GADL1: variants seen among roughly 807,000 people sequenced by gnomAD.
The protein encoded by GADL1 is acidic amino acid decarboxylase GADL1.
A neutral mutation model predicts 69.5 loss-of-function variants in GADL1; 71 were observed. The ratio of observed to expected loss-of-function variants is 1.02; its 90% CI spans 0.84 to 1.25. The LOEUF (loss-of-function observed/expected upper bound fraction) is 1.25. Among genes scored for constraint, GADL1 ranks in the 50% most tolerant of loss-of-function variants. The pLI is 0.00. For synonymous variants in GADL1, 254 were observed against 214.4 expected (o/e 1.18, Z -1.62); for missense variants, 737 against 631.8 (o/e 1.17, Z -1.79).
chr3:30,830,528 C>T (rs1230919147), intron 11 of GADL1, among the ~76,000 whole-genome samples: 1 of 151,928 alleles, frequency 6.6e-6, no homozygotes, highest in Non-Finnish European at 1.5e-5. Context: ...CCCACCATCT[C>T]CCTGGCCATT....
rs1450633047 is a variant in GADL1, at chr3:30,762,840, T to TTA, written c.1392+15337_1392+15338dup. Among the ~76,000 whole-genome samples, 3 of 119,984 alleles carry TTA rather than the reference T, an allele frequency of 2.5e-5. No homozygotes were observed. The Admixed American group carries it at 2.5e-4, about 10-fold the overall frequency. 78.7% of individuals were successfully genotyped at this position (119,984 alleles called of 152,430 possible). The stretch of plus-strand genomic sequence containing the variant: ...CACAGATAACTGAAAACATGTGATG[T>TTA]TAGTCTTTCTTTTCCTTGCTTTATT... On this transcript the variant is annotated intron_variant, in intron 14 of 14. Transcript: ENST00000282538.
chr3:30,765,162 A>G lies in GADL1; in HGVS notation c.1392+13017T>C, dbSNP rs537819614. On this transcript the variant is annotated intron_variant, in intron 14 of 14. Coordinates refer to ENST00000282538, the MANE Select transcript of GADL1 (RefSeq NM_207359.3). The stretch of plus-strand genomic sequence containing the variant: ...AAAGGCAACATTAGAAGAGCCATCA[A>G]AATGTTCATCTCCCCTAACATGTCT... Among the ~76,000 whole-genome samples the G allele has an allele frequency of 3.3e-5, 5 of 152,290 alleles. No homozygotes were observed. In the South Asian group the frequency reaches 1.0e-3, roughly 32 times the overall value.
chr3:30,763,234 C>G (rs554617385), intron 14 of GADL1, among the ~76,000 whole-genome samples: 1 of 152,134 alleles, frequency 6.6e-6, no homozygotes, highest in Non-Finnish European at 1.5e-5. Flanking sequence ...AACAGTGGCT[C>G]ACGCCTGTAA....
Position 30,773,259 on chromosome 3 carries a change from C to T in GADL1, c.1392+4920G>A, listed in dbSNP as rs184791484. The stretch of plus-strand genomic sequence containing the variant: ...GTAGATAATTTTTAAATGGTAAAAA[C>T]GTACCATATTGGGATTAATGCTTAT... On this transcript the variant is annotated intron_variant, in intron 14 of 14. Coordinates refer to ENST00000282538, the MANE Select transcript of GADL1 (RefSeq NM_207359.3). 1.6e-3 allele frequency among the ~76,000 whole-genome samples: 247 copies of T among 152,168 alleles called. No homozygotes were observed. The South Asian group carries it at 0.019, about 12-fold the overall frequency.
intron 14 of GADL1, among the ~76,000 whole-genome samples, chr3:30,758,637 A>ATT (rs1330640489): frequency 6.6e-6 from 1 of 152,242 alleles, no homozygotes; most frequent in Admixed American, 6.5e-5. Flanking sequence ...TTCTACGAAT[A>ATT]TATCAACTTG....
Position 30,788,247 on chromosome 3 carries a change from G to GC in GADL1, c.1251-1842dup, listed in dbSNP as rs563766224. ...AGAAGTGCAAATTAAAACAATATAGGCATCCCTCGGGGGTATTGTAGGTTT... is the reference window on the plus strand; with the variant it reads ...AGAAGTGCAAATTAAAACAATATAGGCCATCCCTCGGGGGTATTGTAGGTTT... On this transcript the variant is annotated intron_variant, in intron 12 of 14. Transcript: ENST00000282538. Among the ~76,000 whole-genome samples, 285 of 152,200 alleles carry GC rather than the reference G, an allele frequency of 1.9e-3. No homozygotes were observed. In the South Asian group the frequency reaches 0.02, roughly 11 times the overall value.
intron 13 of GADL1, among the ~76,000 whole-genome samples, chr3:30,781,595 G>A (rs1696666475): frequency 6.6e-6 from 1 of 152,156 alleles, no homozygotes; most frequent in African/African-American, 2.4e-5. Flanking sequence ...AAATTTCAAA[G>A]GCAGCACTGG....
intron 11 of GADL1, among the ~76,000 whole-genome samples, chr3:30,832,465 A>G (rs1233970799): frequency 1.3e-5 from 2 of 152,046 alleles, no homozygotes; most frequent in African/African-American, 2.4e-5. Flanking sequence ...AAAGTATATG[A>G]AAGCTAGAAA....
chr3:30,850,047 C>T lies in GADL1; in HGVS notation c.600G>A (p.Lys200=), dbSNP rs780942268. Residue 200 remains lysine, a synonymous_variant, in exon 6 of 15, where the codon AAG becomes AAA. Coordinates refer to ENST00000282538, the MANE Select transcript of GADL1 (RefSeq NM_207359.3). The part of the protein sequence containing the change: ...LARYKYCPDI[K]EKGLSGSPRL... ...TTGGCGAACCAGACAGCCCCTTTTC[C>T]TTAATATCAGGACAATATTTGTATC... 3.7e-6 allele frequency: 6 copies of T among 1,612,052 alleles called. No homozygotes were observed. The East Asian group carries it at 1.3e-4, about 36-fold the overall frequency.
intron 11 of GADL1, among the ~76,000 whole-genome samples, chr3:30,826,270 T>C (rs1356717627): frequency 6.6e-6 from 1 of 151,936 alleles, no homozygotes; most frequent in African/African-American, 2.4e-5. Context: ...AAATTAAAGA[T>C]GACAAAAGGA....
intron 14 of GADL1, among the ~76,000 whole-genome samples, chr3:30,775,738 C>T (rs1234414822): frequency 2.0e-5 from 3 of 152,078 alleles, no homozygotes; most frequent in Non-Finnish European, 4.4e-5. Flanking sequence ...TATGATCATC[C>T]ATTTTGGCAA....
At chr3:30,816,595 G>C (rs1419083347) in intron 11 of GADL1, among the ~76,000 whole-genome samples, 1 of 123,078 alleles carries the variant, frequency 8.1e-6, no homozygotes, top group Non-Finnish European at 1.6e-5. Flanking sequence ...CACCAGGCTG[G>C]AGTGCATTGG....
rs76144607 is a variant in GADL1, at chr3:30,882,899, T to C, written c.37+11679A>G. On this transcript the variant is annotated intron_variant, in intron 1 of 14. Coordinates refer to ENST00000282538, the MANE Select transcript of GADL1 (RefSeq NM_207359.3). The stretch of plus-strand genomic sequence containing the variant: ...TGTAAGGTGATAGTGTGGTTTCAGT[T>C]TGTATTTCTCTAATGTTAGTGATAG... 0.014 allele frequency among the ~76,000 whole-genome samples: 2,104 copies of C among 151,958 alleles called. 100 individuals carry two copies. The East Asian group carries it at 0.16, about 12-fold the overall frequency.
At chr3:30,851,269 T>C (rs573362075) in intron 4 of GADL1, among the ~76,000 whole-genome samples, 11 of 152,132 alleles carry the variant, frequency 7.2e-5, no homozygotes, top group Non-Finnish European at 1.2e-4. Context: ...ACTCTGTGGA[T>C]GCTTGGAACA....
chr3:30,824,350 C>T (rs1310830818), intron 11 of GADL1, among the ~76,000 whole-genome samples: 3 of 150,344 alleles, frequency 2.0e-5, no homozygotes, highest in Admixed American at 6.6e-5. Context: ...ATCTTAACAC[C>T]AGCAAAAATG....
Position 30,749,906 on chromosome 3 carries a change from G to C in GADL1, c.1393-21491C>G, listed in dbSNP as rs184463295. Among the ~76,000 whole-genome samples the C allele has an allele frequency of 2.0e-3, 297 of 152,272 alleles. 1 individual carries two copies. Among genetic ancestry groups the C allele is most frequent in the African/African-American group, 7.0e-3 (291 of 41,562 alleles). On this transcript the variant is annotated intron_variant, in intron 14 of 14. Transcript: ENST00000282538. ...CATAACTGAAGAATAAACTGTGATG[G>C]AGATTTAAATCAGGGTATTCTACAG...
chr3:30,744,367 A>G (rs1695669567), intron 14 of GADL1, among the ~76,000 whole-genome samples: 1 of 152,218 alleles, frequency 6.6e-6, no homozygotes, highest in Admixed American at 6.5e-5. Context: ...AAGGTGGTTT[A>G]GTCATATAGA....
At chr3:30,842,948 G>A (rs2125528044) in intron 8 of GADL1, among the ~76,000 whole-genome samples, 1 of 148,782 alleles carries the variant, frequency 6.7e-6, no homozygotes, top group East Asian at 2.0e-4. Context: ...GGACTAGGTA[G>A]TTTTTATGAA....
rs550611449 is a variant in GADL1 at position 30,889,838 on chromosome 3, C to T, written c.37+4740G>A. Among the ~76,000 whole-genome samples, 10 of 152,260 alleles carry T rather than the reference C, an allele frequency of 6.6e-5. No homozygotes were observed. The South Asian group carries it at 2.1e-3, about 32-fold the overall frequency. ...CTTATAATATACATAGTTTATATTT[C>T]TTATACTGCATTCCCTCCTTGTAAA... On this transcript the variant is annotated intron_variant, in intron 1 of 14. Coordinates refer to ENST00000282538, the MANE Select transcript of GADL1 (RefSeq NM_207359.3).
Sources: gnomAD v4.1 joint callset for allele counts (sites outside exome capture counted in the v4.1 genomes callset) on GRCh38, gnomAD v4.1.1 for gene constraint, MANE v1.5 for transcripts, NCBI Gene and HGNC (gene_info 2026-07-23, HGNC 2026-07-21) for gene names.